The following CHIT1 variants were observed in gnomAD, a reference collection of about 807,000 sequenced individuals.
CHIT1 encodes chitinase 1.
In CHIT1, 47 loss-of-function variants were observed where a neutral mutation model predicts 52.0. The ratio of observed to expected loss-of-function variants is 0.90; its 90% CI spans 0.71 to 1.15. The LOEUF is 1.15. Among genes scored for constraint, CHIT1 ranks in the 50% most tolerant of loss-of-function variants. CHIT1 has a pLI of 0.00. For synonymous variants in CHIT1, 242 were observed against 228.2 expected, an observed-to-expected ratio of 1.06 and a Z score of -0.54; for missense variants, 569 against 583.0, an observed-to-expected ratio of 0.98 and a Z score of 0.25.
chr1:203,227,340 G>A (rs1217393135), intron 2 of CHIT1, among the ~76,000 whole-genome samples: 1 of 152,144 alleles, frequency 6.6e-6, no homozygotes, highest in African/African-American at 2.4e-5. Flanking sequence ...GGAAGGAGGG[G>A]ATGAAACCAG....
rs371861868 is a variant in CHIT1 at position 203,221,592 on chromosome 1, T to C, written c.729+610A>G. Among the ~76,000 whole-genome samples, 168 of 152,244 alleles carry C rather than the reference T, an allele frequency of 1.1e-3. 1 individual carries two copies. Among genetic ancestry groups the C allele is most frequent in the African/African-American group, 4.0e-3 (167 of 41,538 alleles). ...GCTATGATCATGCCACTGCATACCC[T>C]CCTTGGTGACAGAACAAGATTCTGT... On this transcript the variant is annotated intron_variant, in intron 7 of 10. Coordinates refer to ENST00000367229, the MANE Select transcript of CHIT1 (RefSeq NM_003465.3).
chr1:203,225,024 C>T (rs769714909), intron 4 of CHIT1, 24 bp downstream of exon 4: 1 of 1,609,398 alleles, frequency 6.2e-7, no homozygotes, highest in South Asian at 1.1e-5. Flanking sequence ...AGCTTTACCA[C>T]ACAGGTGACC....
At chr1:203,222,375 G>A in intron 6 of CHIT1, 50 bp from the exon 7 acceptor site, 1 of 1,613,542 alleles carries the variant, frequency 6.2e-7, no homozygotes, top group Non-Finnish European at 8.5e-7. Context: ...TGGGGGTGGG[G>A]TAGCCCTTCT....
intron 2 of CHIT1, among the ~76,000 whole-genome samples, chr1:203,226,626 A>G (rs894852301): frequency 2.6e-5 from 4 of 152,060 alleles, no homozygotes; most frequent in African/African-American, 9.7e-5. Flanking sequence ...AGCTAATTTT[A>G]TCTAGGAGAA....
At position 203,216,810 on chromosome 1, in the gene CHIT1, C is replaced by G; in HGVS notation, c.*79G>C. 6.2e-7 allele frequency: 1 copy of G among 1,600,006 alleles called. No individual in the cohort carries two copies. Among genetic ancestry groups the G allele is most frequent in the South Asian group, 1.1e-5 (1 of 90,212 alleles). On this transcript the variant is annotated 3_prime_UTR_variant, in exon 11 of 11. Coordinates refer to ENST00000367229, the MANE Select transcript of CHIT1 (RefSeq NM_003465.3). The stretch of plus-strand genomic sequence containing the variant: ...GCCTGCAGGAGCCAGATTGCGGCCC[C>G]CAGGGAAAACCCAGGAGGCAGGCTG...
intron 7 of CHIT1, 37 bp downstream of exon 7, chr1:203,222,165 C>G: frequency 6.2e-7 from 1 of 1,612,742 alleles, no homozygotes; most frequent in Non-Finnish European, 8.5e-7. Context: ...GCCTGCTGGA[C>G]AGGGGAGTCC....
intron 7 of CHIT1, among the ~76,000 whole-genome samples, chr1:203,220,252 A>C (rs1656687002): frequency 6.6e-6 from 1 of 152,182 alleles, no homozygotes; most frequent in South Asian, 2.1e-4. Context: ...GAAATAAGGA[A>C]AATATCCATC....
chr1:203,229,718 AC>A, upstream of CHIT1: 2 of 1,483,500 alleles, frequency 1.3e-6, no homozygotes, highest in Non-Finnish European at 1.9e-6. Flanking sequence ...ACCCTGTCCC[AC>A]CCCAGCCAGG....
At chr1:203,217,974 G>A (rs1656599079) in intron 9 of CHIT1, 109 bp from the exon 10 acceptor site, 2 of 1,539,370 alleles carry the variant, frequency 1.3e-6, no homozygotes, top group African/African-American at 1.4e-5. Flanking sequence ...GCAGCCTCAG[G>A]CCTGTGAGTG....
intron 8 of CHIT1, 154 bp downstream of exon 8, chr1:203,219,510 T>C (rs1656654262): frequency 9.6e-7 from 1 of 1,045,836 alleles, no homozygotes; most frequent in South Asian, 1.3e-5. Flanking sequence ...GGCTTAAGGA[T>C]AAATTCAAGA....
At position 203,219,199 on chromosome 1, in the gene CHIT1, G is replaced by A. The variant is rs763576014; in HGVS notation, c.1029+17C>T. ...GTTCACTAGGACCACCCCTCTGCCAGCAGAGCTGGGCCTCACCTTGGTTTT... is the reference window on the plus strand; with the variant it reads ...GTTCACTAGGACCACCCCTCTGCCAACAGAGCTGGGCCTCACCTTGGTTTT... On this transcript the variant is annotated intron_variant, in intron 9 of 10. Transcript: ENST00000367229. 5.1e-6 allele frequency: 7 copies of A among 1,373,840 alleles called. No individual in the cohort carries two copies. Among genetic ancestry groups the A allele is most frequent in the South Asian group, 4.6e-5 (4 of 86,322 alleles). The allele number at this position is 1,373,840 out of a possible 1,614,324, so 85.1% of individuals were successfully genotyped here. A position where few individuals can be genotyped will look rare whatever the true frequency, so the allele number is the denominator to read the frequency against.
chr1:203,228,575 A>G lies in CHIT1; in HGVS notation c.26-13T>C, dbSNP rs1190078358. 4 of 1,581,464 alleles carry G rather than the reference A, an allele frequency of 2.5e-6. No homozygotes were observed. The East Asian group carries it at 9.3e-5, about 37-fold the overall frequency. ...AGGACCATGAAACCTGGAGCAACAC[A>G]AGAGAGAAGGCCAGGGTTATGCTGC... On this transcript the variant is annotated splice_polypyrimidine_tract_variant and intron_variant, in intron 1 of 10. Transcript: ENST00000367229.
At chr1:203,226,305 C>G in intron 2 of CHIT1, among the ~76,000 whole-genome samples, 1 of 152,160 alleles carries the variant, frequency 6.6e-6, no homozygotes, top group East Asian at 1.9e-4. Context: ...CTCCCTATCC[C>G]CAGTTAGGGT....
chr1:203,228,727 AT>A (rs2102246903), intron 1 of CHIT1, among the ~76,000 whole-genome samples, 165 bp from the exon 2 acceptor site: 1 of 152,304 alleles, frequency 6.6e-6, no homozygotes, highest in African/African-American at 2.4e-5. Context: ...CCATCCCTTC[AT>A]GCAGACCAGA....
rs536832724 is a variant in CHIT1, at chr1:203,225,101, A to G, written c.261T>C (p.Asn87=). Residue 87 remains asparagine (N), a synonymous_variant, in exon 4 of 11, where the codon AAT becomes AAC. Coordinates refer to ENST00000367229, the MANE Select transcript of CHIT1 (RefSeq NM_003465.3). ...TGGCTAACAGGGTCTTCAGCTTGGG[A>G]TTCCTGGGAAAGACAGGAGACACAG... The part of the protein sequence containing the change: ...YQEFNGLKKM[N]PKLKTLLAIG... The G allele has an allele frequency of 6.2e-7, 1 of 1,613,774 alleles. No homozygotes were observed. Among genetic ancestry groups the G allele is most frequent in the Middle Eastern group, 1.6e-4 (1 of 6,062 alleles).
At chr1:203,228,403 G>A (rs939346774) in intron 2 of CHIT1, 130 bp downstream of exon 2, 6 of 986,198 alleles carry the variant, frequency 6.1e-6, no homozygotes, top group African/African-American at 1.6e-5. Context: ...CATTTGCAGG[G>A]GTCTGAGCTT....
At chr1:203,217,372 T>A in intron 10 of CHIT1, 7 of 1,503,874 alleles carry the variant, frequency 4.7e-6, no homozygotes, top group Non-Finnish European at 5.3e-6. Context: ...GCTTTACCCA[T>A]CTGCAAGCAC....
chr1:203,229,756 G>C, upstream of CHIT1: 2 of 1,192,828 alleles, frequency 1.7e-6, no homozygotes, highest in Non-Finnish European at 2.5e-6. Context: ...GCACTGGGTG[G>C]GGGGGATGGG....
intron 1 of CHIT1, 33 bp downstream of exon 1, chr1:203,229,579 T>C (rs751320807): frequency 6.2e-7 from 1 of 1,613,318 alleles, no homozygotes; most frequent in Non-Finnish European, 8.5e-7. Context: ...TCCCCACAGC[T>C]CCCGAGACCC....
Sources: gnomAD v4.1 joint callset for allele counts (sites outside exome capture counted in the v4.1 genomes callset) on GRCh38, gnomAD v4.1.1 for gene constraint, MANE v1.5 for transcripts, NCBI Gene and HGNC (gene_info 2026-07-23, HGNC 2026-07-21) for gene names.